Variants in ETS1 observed in about 807,000 individuals in gnomAD.
ETS1 encodes ETS proto-oncogene 1, transcription factor, also known as protein C-ets-1.
ETS1 carries 15 observed loss-of-function variants against 58.6 expected under a neutral mutation model. The observed-to-expected ratio is 0.26, with a 90% CI of 0.17 to 0.39. ETS1 has a LOEUF of 0.39. ETS1 is among the 10% of genes least tolerant of loss of function. ETS1 has a pLI of 1.00. For missense variants in ETS1, 417 were observed against 610.5 expected (o/e 0.68, Z 3.34); for synonymous variants, 214 against 218.2 (o/e 0.98, Z 0.17).
chr11:128,585,091 GA>G (rs1864974933), intron 1 of ETS1, among the ~76,000 whole-genome samples: 4 of 18,680 alleles, frequency 2.1e-4, no homozygotes, highest in African/African-American at 1.9e-3. Context: ...AGAAAGAAAG[GA>G]AAGAAAGAAA....
At chr11:128,481,915 C>T (rs188101127) in intron 7 of ETS1, among the ~76,000 whole-genome samples, 40 of 152,040 alleles carry the variant, frequency 2.6e-4, no homozygotes, top group African/African-American at 9.2e-4. Flanking sequence ...ACATCCTGAC[C>T]CCCTCTGGAA....
chr11:128,481,903 C>G (rs184974398), intron 7 of ETS1, among the ~76,000 whole-genome samples: 45 of 152,250 alleles, frequency 3.0e-4, no homozygotes, highest in Admixed American at 5.9e-4. Context: ...TGGGTTTTCT[C>G]TACATCCTGA....
chr11:128,474,816 A>G (rs1862278774), intron 8 of ETS1, among the ~76,000 whole-genome samples: 1 of 152,220 alleles, frequency 6.6e-6, no homozygotes. Context: ...TGAGCAAGAA[A>G]GGGAAGACAC....
At chr11:128,560,970 G>A (rs545079172) in intron 2 of ETS1, among the ~76,000 whole-genome samples, 1 of 152,276 alleles carries the variant, frequency 6.6e-6, no homozygotes, top group South Asian at 2.1e-4. Context: ...ATGAGCAAAA[G>A]AAGAGGAAGA....
At chr11:128,565,402 A>C (rs1864477240) in intron 2 of ETS1, among the ~76,000 whole-genome samples, 1 of 152,102 alleles carries the variant, frequency 6.6e-6, no homozygotes, top group Non-Finnish European at 1.5e-5. Flanking sequence ...GTGAGCAATA[A>C]ATTTCTATTC....
intron 8 of ETS1, among the ~76,000 whole-genome samples, chr11:128,468,782 G>T (rs567816498): frequency 6.6e-6 from 1 of 152,218 alleles, no homozygotes; most frequent in African/African-American, 2.4e-5. Context: ...TAAGGACAAG[G>T]ACTTTGTTTT....
chr11:128,521,893 C>T (rs756308546), intron 3 of ETS1: 3 of 1,583,964 alleles, frequency 1.9e-6, no homozygotes, highest in Non-Finnish European at 1.7e-6. Flanking sequence ...TGGGTGGGGG[C>T]CTCGGCCGTC....
At chr11:128,582,416 T>C (rs1332326547) in intron 1 of ETS1, among the ~76,000 whole-genome samples, 1 of 152,208 alleles carries the variant, frequency 6.6e-6, no homozygotes, top group Admixed American at 6.5e-5. Context: ...ATAATAATTG[T>C]TATTATTGCT....
intron 3 of ETS1, among the ~76,000 whole-genome samples, chr11:128,545,228 G>T (rs1364374821): frequency 6.6e-6 from 1 of 152,144 alleles, no homozygotes; most frequent in Admixed American, 6.5e-5. Context: ...TCAGGTAACA[G>T]TGTCTTGTTT....
chr11:128,484,900 G>A lies in ETS1; in HGVS notation c.785C>T (p.Thr262Ile), dbSNP rs766138089. The A allele has an allele frequency of 9.3e-6, 15 of 1,613,824 alleles. No individual in the cohort carries two copies. The highest frequency in any genetic ancestry group is 4.0e-5 in the African/African-American group (3 of 74,892). ...GATAGCAAAGTAGTCATTCTGCAAG[G>A]TGTCTGTCTGGAGAGGGTCTCGGAG... is the stretch of plus-strand genomic sequence containing the variant. ...VILRDPLQTD[T>I]LQNDYFAIKQ... The change falls in exon 7 of 10, where the codon ACC (threonine) becomes ATC (isoleucine). Residue 262 changes from threonine to isoleucine, a missense_variant. By Grantham distance (89) the Thr-to-Ile change is moderately conservative. Around this residue, in one of 4 missense-constraint regions of ETS1, gnomAD observed 139 missense variants for 152.1 expected, o/e 0.91. Transcript: ENST00000392668.
intron 3 of ETS1, chr11:128,527,279 T>C (rs1052942409): frequency 4.7e-6 from 1 of 214,578 alleles, no homozygotes; most frequent in African/African-American, 2.4e-5. Context: ...ACTATAATTA[T>C]GAACCATTCA....
rs770723946 is a variant in ETS1 at position 128,463,634 on chromosome 11, A to G, written c.1124-7T>C. On this transcript the variant is annotated splice_region_variant and splice_polypyrimidine_tract_variant and intron_variant, in intron 8 of 9. Coordinates refer to ENST00000392668, the MANE Select transcript of ETS1 (RefSeq NM_001143820.2). This position sits in a 1 kb window ranked among gnomAD's most constrained non-coding sequence, Gnocchi z 4.1. ...AGCTGGATTGGTCCACTGCCTAGAA[A>G]CACAAGCCATTGTGAATCATTACAC... The G allele has an allele frequency of 6.6e-5, 97 of 1,474,258 alleles. No individual in the cohort carries two copies. The highest frequency in any genetic ancestry group is 8.5e-5 in the Non-Finnish European group (89 of 1,052,516). The allele number at this position is 1,474,258 out of a possible 1,614,324, so 91.3% of individuals were successfully genotyped here.
chr11:128,576,409 A>G (rs908784922), intron 1 of ETS1, among the ~76,000 whole-genome samples: 1 of 152,060 alleles, frequency 6.6e-6, no homozygotes, highest in Admixed American at 6.6e-5. Flanking sequence ...CCCACAAGAC[A>G]ACTGCTTGAA....
At chr11:128,553,068 C>T (rs760249962) in intron 3 of ETS1, among the ~76,000 whole-genome samples, 2 of 152,180 alleles carry the variant, frequency 1.3e-5, no homozygotes, top group Non-Finnish European at 2.9e-5. Context: ...GACATTTCAG[C>T]CGTGTCTTGT....
chr11:128,540,703 G>A (rs763234192), intron 3 of ETS1, among the ~76,000 whole-genome samples: 3 of 152,160 alleles, frequency 2.0e-5, no homozygotes, highest in Non-Finnish European at 4.4e-5. Context: ...ACTCCAAATG[G>A]AATTTAAAAA....
chr11:128,484,460 G>A (rs1031005865), intron 7 of ETS1, among the ~76,000 whole-genome samples: 4 of 152,158 alleles, frequency 2.6e-5, no homozygotes, highest in South Asian at 2.1e-4. Context: ...TTCCAGGGTG[G>A]CCACTTGAAC....
At chr11:128,511,087 G>A (rs1446826197) in intron 3 of ETS1, among the ~76,000 whole-genome samples, 1 of 152,062 alleles carries the variant, frequency 6.6e-6, no homozygotes, top group Admixed American at 6.6e-5. Context: ...TGCCTCCTTG[G>A]TACAGTTCTT....
chr11:128,525,627 A>G (rs1290472381), intron 3 of ETS1, among the ~76,000 whole-genome samples: 3 of 151,260 alleles, frequency 2.0e-5, no homozygotes, highest in Non-Finnish European at 4.4e-5. Context: ...TAGAAAAAAA[A>G]AAAAAAAAAA....
At chr11:128,476,534 A>G (rs538771542) in intron 8 of ETS1, among the ~76,000 whole-genome samples, 1 of 152,370 alleles carries the variant, frequency 6.6e-6, no homozygotes, top group East Asian at 1.9e-4. Context: ...CAGTTTCATC[A>G]TCTATGAAAT....
Sources: allele counts gnomAD v4.1 joint callset (sites outside exome capture counted in the v4.1 genomes callset), GRCh38; gene constraint gnomAD v4.1.1; regional missense constraint gnomAD v4.1.1; non-coding constraint Gnocchi (gnomAD v3.1); transcripts MANE v1.5; gene names NCBI Gene and HGNC (gene_info 2026-07-23, HGNC 2026-07-21).